The following NFX1 variants were observed in gnomAD, a reference collection of about 807,000 sequenced individuals.
The protein encoded by NFX1 is transcriptional repressor NF-X1.
Under a neutral mutation model 137.2 loss-of-function variants are expected in NFX1, and 69 were observed. That is an observed-to-expected ratio of 0.50 (90% CI 0.41 to 0.61). The LOEUF is 0.61. Ranked by LOEUF, NFX1 falls within the 20% of genes least tolerant of loss-of-function variation. The probability of loss-of-function intolerance (pLI) is 0.00; values close to 1 mark genes in which losing one functional copy is unlikely to be tolerated. For synonymous variants in NFX1, 495 were observed against 474.1 expected, an observed-to-expected ratio of 1.04 and a Z score of -0.57; for missense variants, 1,167 against 1,391.0, an observed-to-expected ratio of 0.84 and a Z score of 2.56.
chr9:33,324,412 A>G (rs1277368192), intron 9 of NFX1, among the ~76,000 whole-genome samples: 2 of 152,032 alleles, frequency 1.3e-5, no homozygotes, highest in Non-Finnish European at 2.9e-5. Context: ...TTAGCTGGGC[A>G]TGGTGGCACA....
intron 1 of NFX1, 143 bp downstream of exon 1, chr9:33,290,740 C>T (rs1274076506): frequency 4.0e-6 from 3 of 750,442 alleles, no homozygotes; most frequent in African/African-American, 1.8e-5. Flanking sequence ...GGGCCAAGCC[C>T]CGCGCATCGT....
At chr9:33,319,833 A>G (rs537978658) in intron 9 of NFX1, among the ~76,000 whole-genome samples, 2 of 152,086 alleles carry the variant, frequency 1.3e-5, no homozygotes, top group Non-Finnish European at 2.9e-5. Context: ...TGTAAGTACA[A>G]TAGAACCTCA....
chr9:33,310,989 A>T, intron 5 of NFX1, 117 bp from the exon 6 acceptor site: 3 of 822,752 alleles, frequency 3.6e-6, no homozygotes, highest in Non-Finnish European at 5.9e-6. Flanking sequence ...ACAAATACAA[A>T]GACATGTCAT....
rs5897542 is a variant in NFX1, at chr9:33,317,973, CAAAAAAAAAAAA to C, written c.1589-741_1589-730del. 2.7e-4 allele frequency among the ~76,000 whole-genome samples: 12 copies of C among 44,398 alleles called. No individual in the cohort carries two copies. In the Admixed American group the frequency reaches 3.5e-3, roughly 13 times the overall value. 29.1% of individuals were successfully genotyped at this position (44,398 alleles called of 152,430 possible). A position where few individuals can be genotyped will look rare whatever the true frequency, so the allele number is the denominator to read the frequency against. On this transcript the variant is annotated intron_variant, in intron 7 of 23. Coordinates refer to ENST00000379540, the MANE Select transcript of NFX1 (RefSeq NM_002504.6). ...CCTGGGCAAGAGTGAGACTCTGTCT[CAAAAAAAAAAAA>C]AAAAAAAAAAAAAAAATCTTCATTA...
chr9:33,325,934 A>G (rs1012223789), intron 9 of NFX1, among the ~76,000 whole-genome samples: 12 of 152,304 alleles, frequency 7.9e-5, no homozygotes, highest in Admixed American at 7.2e-4. Flanking sequence ...CTGATTTAAA[A>G]AACAACTGTA....
At chr9:33,303,116 T>G in intron 3 of NFX1, 75 bp from the exon 4 acceptor site, 5 of 1,149,558 alleles carry the variant, frequency 4.3e-6, no homozygotes, top group South Asian at 2.5e-5. Flanking sequence ...TGTCTTCCTA[T>G]AGATTTAAAT....
chr9:33,334,613 A>T (rs1356919387), intron 11 of NFX1, among the ~76,000 whole-genome samples: 2 of 152,188 alleles, frequency 1.3e-5, no homozygotes, highest in Non-Finnish European at 2.9e-5. Flanking sequence ...ATTCATACAG[A>T]TGTATAAACA....
intron 1 of NFX1, among the ~76,000 whole-genome samples, chr9:33,292,694 A>G (rs541250881): frequency 6.6e-6 from 1 of 152,200 alleles, no homozygotes; most frequent in East Asian, 1.9e-4. Context: ...AGTTGAACAT[A>G]TCCTGTATAT....
chr9:33,328,739 G>A (rs1476829638), intron 10 of NFX1, 61 bp downstream of exon 10: 6 of 1,357,398 alleles, frequency 4.4e-6, no homozygotes, highest in African/African-American at 1.4e-5. Flanking sequence ...TGGTGATTAT[G>A]GGAGGGGAGG....
intron 5 of NFX1, among the ~76,000 whole-genome samples, chr9:33,308,751 T>C (rs1396721092): frequency 6.6e-6 from 1 of 152,120 alleles, no homozygotes; most frequent in Middle Eastern, 3.2e-3. Flanking sequence ...TGGCAAGTGA[T>C]CAAAAAATGA....
intron 21 of NFX1, among the ~76,000 whole-genome samples, 193 bp from the exon 22 acceptor site, chr9:33,366,436 G>T (rs1414888247): frequency 6.6e-6 from 1 of 152,078 alleles, no homozygotes; most frequent in Non-Finnish European, 1.5e-5. Context: ...CACAGAGTAG[G>T]TGAAAGAAGT....
At chr9:33,349,594 A>T (rs375693406) in intron 15 of NFX1, among the ~76,000 whole-genome samples, 7 of 151,952 alleles carry the variant, frequency 4.6e-5, no homozygotes, top group African/African-American at 1.7e-4. Flanking sequence ...AGGGTTCAAG[A>T]CTAGCCTTTG....
At chr9:33,313,155 T>C (rs925215130) in intron 6 of NFX1, among the ~76,000 whole-genome samples, 2 of 152,060 alleles carry the variant, frequency 1.3e-5, no homozygotes, top group Non-Finnish European at 2.9e-5. Context: ...CAGCATTCTT[T>C]CTCCTTACGC....
intron 19 of NFX1, among the ~76,000 whole-genome samples, chr9:33,355,949 A>G (rs1254948729): frequency 2.0e-5 from 3 of 152,066 alleles, no homozygotes; most frequent in African/African-American, 7.2e-5. Context: ...CCAGCCCAGA[A>G]CATTCTTAAA....
chr9:33,311,044 A>G, intron 5 of NFX1, 62 bp from the exon 6 acceptor site: 2 of 1,498,142 alleles, frequency 1.3e-6, no homozygotes, highest in Non-Finnish European at 1.9e-6. Flanking sequence ...CCCAGCTGGG[A>G]CAGCTTTGTT....
intron 10 of NFX1, among the ~76,000 whole-genome samples, chr9:33,332,201 T>G (rs934139371): frequency 6.6e-6 from 1 of 152,228 alleles, no homozygotes; most frequent in Non-Finnish European, 1.5e-5. Flanking sequence ...TTGTAATTAT[T>G]AGTCTACTGT....
chr9:33,322,201 G>GGA (rs1822412547), intron 9 of NFX1, among the ~76,000 whole-genome samples: 1 of 101,070 alleles, frequency 9.9e-6, no homozygotes, highest in Non-Finnish European at 2.0e-5. Flanking sequence ...ACTCCATCTC[G>GGA]AAAAAAAAAA....
chr9:33,354,993 T>C, intron 19 of NFX1, 101 bp downstream of exon 19: 2 of 1,118,968 alleles, frequency 1.8e-6, no homozygotes, highest in Non-Finnish European at 1.3e-6. Flanking sequence ...AGCACTGCGC[T>C]GCGTCTTTTA....
Position 33,338,574 on chromosome 9 carries a change from T to C in NFX1, c.2100T>C (p.Asn700=). ...KKRLCGRHKC[N]EICCVDKEHK... ...GGTTGTGTGGACGGCATAAATGTAA[T>C]GAGATATGCTGTGTGGTAAGTGGAC... Residue 700 remains asparagine (N), a synonymous_variant, in exon 12 of 24, where the codon AAT becomes AAC. Transcript: ENST00000379540. 8 of 1,592,738 alleles carry C rather than the reference T, an allele frequency of 5.0e-6. No homozygotes were observed. Among genetic ancestry groups the C allele is most frequent in the Non-Finnish European group, 4.3e-6 (5 of 1,171,766 alleles).
Sources: allele counts gnomAD v4.1 joint callset (sites outside exome capture counted in the v4.1 genomes callset), GRCh38; gene constraint gnomAD v4.1.1; transcripts MANE v1.5; gene names NCBI Gene and HGNC (gene_info 2026-07-23, HGNC 2026-07-21).